Variants in SLC19A3 observed in about 807,000 individuals in gnomAD.
SLC19A3 encodes solute carrier family 19 member 3.
In SLC19A3, 31 loss-of-function variants were observed where a neutral mutation model predicts 40.2. The ratio of observed to expected loss-of-function variants is 0.77; its 90% CI spans 0.58 to 1.04. The LOEUF is 1.04. Ranked by LOEUF, SLC19A3 falls within the 50% of genes least tolerant of loss-of-function variation. The probability of loss-of-function intolerance (pLI) is 0.00; values close to 1 mark genes in which losing one functional copy is unlikely to be tolerated. For missense variants in SLC19A3, 592 were observed against 596.7 expected, an observed-to-expected ratio of 0.99 and a Z score of 0.08; for synonymous variants, 212 against 227.5, an observed-to-expected ratio of 0.93 and a Z score of 0.61.
intron 4 of SLC19A3, among the ~76,000 whole-genome samples, chr2:227,690,706 C>CAAAAAAAAAAAAAAAAAAAAAA (rs34163746): frequency 7.7e-5 from 3 of 39,146 alleles, no homozygotes; most frequent in African/African-American, 2.9e-4. Flanking sequence ...GACTCCATCT[C>CAAAAAAAAAAAAAAAAAAAAAA]AAAAAAAAAA....
intron 1 of SLC19A3, chr2:227,702,638 T>G: frequency 3.0e-6 from 1 of 333,130 alleles, no homozygotes. Context: ...AGTGAGGAAA[T>G]TGCTTGAAAT....
chr2:227,700,839 T>C (rs1313950098), intron 2 of SLC19A3: 18 of 973,690 alleles, frequency 1.8e-5, no homozygotes, highest in East Asian at 6.1e-5. Context: ...ATTTTCACAG[T>C]TGGAAGGACT....
intron 1 of SLC19A3, among the ~76,000 whole-genome samples, chr2:227,709,662 GC>G (rs1241980792): frequency 1.3e-5 from 2 of 152,086 alleles, no homozygotes; most frequent in Non-Finnish European, 2.9e-5. Context: ...GAGCTGTGGG[GC>G]TCCCTGAGGT....
intron 5 of SLC19A3, 136 bp downstream of exon 5, chr2:227,688,029 GT>G: frequency 1.0e-6 from 1 of 963,942 alleles, no homozygotes; most frequent in South Asian, 1.4e-5. Context: ...TACTTGGTGT[GT>G]TATAATATGA....
In SLC19A3 at chr2:227,703,704, T is replaced by C. The variant is rs947221197; in HGVS notation, c.-2-1384A>G. Among the ~76,000 whole-genome samples, 3 of 152,190 alleles carry C rather than the reference T, an allele frequency of 2.0e-5. No individual in the cohort carries two copies. The highest frequency in any genetic ancestry group is 4.4e-5 in the Non-Finnish European group (3 of 68,032). ...TTGTTAATGATCTTATAGAAATGGCTGTCCTGGACAGGTGATCACTGAGGC... is the reference window on the plus strand; with the variant it reads ...TTGTTAATGATCTTATAGAAATGGCCGTCCTGGACAGGTGATCACTGAGGC... On this transcript the variant is annotated intron_variant, in intron 1 of 5. Transcript: ENST00000644224. This position sits in a 1 kb window ranked among gnomAD's most constrained non-coding sequence, Gnocchi z 4.7.
chr2:227,694,261 C>T (rs1282099435), intron 4 of SLC19A3, among the ~76,000 whole-genome samples: 1 of 152,112 alleles, frequency 6.6e-6, no homozygotes. Flanking sequence ...CCTGCTTTGG[C>T]CTCCCAAAGT....
chr2:227,711,855 T>C (rs1214112225), intron 1 of SLC19A3, among the ~76,000 whole-genome samples: 2 of 151,516 alleles, frequency 1.3e-5, no homozygotes, highest in Non-Finnish European at 2.9e-5. Context: ...TTTGAGACCA[T>C]CCTGGCCAAC....
In SLC19A3 at chr2:227,702,320, G is replaced by C. The variant is rs771358872; in HGVS notation, c.-2C>G. 6.2e-7 allele frequency: 1 copy of C among 1,613,838 alleles called. No individual in the cohort carries two copies. Among genetic ancestry groups the C allele is most frequent in the South Asian group, 1.1e-5 (1 of 91,078 alleles). On this transcript the variant is annotated splice_region_variant and 5_prime_UTR_variant, in exon 2 of 6. Transcript: ENST00000644224. ...TAGTGAAGTTCTGTAACAATCCATG[G>C]CTGATCAAATGGAAACAAAGAGAAA... is the stretch of plus-strand genomic sequence containing the variant.
intron 1 of SLC19A3, among the ~76,000 whole-genome samples, chr2:227,716,239 C>T (rs1696332331): frequency 6.6e-6 from 1 of 152,198 alleles, no homozygotes; most frequent in South Asian, 2.1e-4. Context: ...TCCTTTCCCC[C>T]ATGGAAAACC....
In SLC19A3 at chr2:227,699,316, G is replaced by A. The variant is rs138363524; in HGVS notation, c.399C>T (p.Pro133=). 1.7e-5 allele frequency: 28 copies of A among 1,614,158 alleles called. No homozygotes were observed. In the African/African-American group the frequency reaches 2.5e-4, roughly 15 times the overall value. ...AGCCGCTCACTCTCTGGTAGTGCTC[G>A]GGGCTGACCACGCTGTATATGTAGG... ...YYAYIYSVVS[P]EHYQRVSGYC... Residue 133 remains proline, a synonymous_variant, in exon 3 of 6, where the codon CCC becomes CCT. Transcript: ENST00000644224.
chr2:227,706,358 G>A, intron 1 of SLC19A3: 1 of 1,231,602 alleles, frequency 8.1e-7, no homozygotes, highest in Non-Finnish European at 1.0e-6. Context: ...TTTTCTGTGT[G>A]TTCCAAATCA....
chr2:227,701,349 C>T (rs985759162), intron 2 of SLC19A3: 25 of 200,102 alleles, frequency 1.2e-4, no homozygotes, highest in Admixed American at 1.7e-4. Context: ...AGGCCGGTGG[C>T]GGTGGCTCAC....
intron 1 of SLC19A3, among the ~76,000 whole-genome samples, chr2:227,705,313 G>T (rs993066089): frequency 6.6e-6 from 1 of 151,824 alleles, no homozygotes; most frequent in African/African-American, 2.4e-5. Context: ...AGAAGTTGTA[G>T]AGGAAGACTG....
At chr2:227,707,587 A>T (rs1006973611) in intron 1 of SLC19A3, among the ~76,000 whole-genome samples, 1 of 151,788 alleles carries the variant, frequency 6.6e-6, no homozygotes, top group African/African-American at 2.4e-5. Context: ...GTTCTCAAAA[A>T]ATATACAATA....
intron 4 of SLC19A3, chr2:227,695,616 TA>T: frequency 2.5e-6 from 1 of 405,376 alleles, no homozygotes; most frequent in South Asian, 2.3e-5. Flanking sequence ...TCAAACAAAA[TA>T]AAACAAAAAG....
intron 2 of SLC19A3, 76 bp from the exon 3 acceptor site, chr2:227,699,640 C>T: frequency 8.1e-7 from 1 of 1,241,556 alleles, no homozygotes; most frequent in South Asian, 1.2e-5. Context: ...ATCTCAAATT[C>T]TGCCTCCAAT....
At chr2:227,691,285 A>G (rs1256891881) in intron 4 of SLC19A3, among the ~76,000 whole-genome samples, 1 of 152,190 alleles carries the variant, frequency 6.6e-6, no homozygotes, top group African/African-American at 2.4e-5. Context: ...TTAAGAGGGA[A>G]GTTTATAGTT....
intron 1 of SLC19A3, among the ~76,000 whole-genome samples, chr2:227,709,383 A>C (rs1372939044): frequency 6.6e-6 from 1 of 152,066 alleles, no homozygotes; most frequent in Non-Finnish European, 1.5e-5. Flanking sequence ...TACTTGGCAG[A>C]CTGAGGCACG....
chr2:227,683,974 T>C lies in SLC19A3; in HGVS notation c.*3423A>G, dbSNP rs1694937305. On this transcript the variant is annotated 3_prime_UTR_variant, in exon 6 of 6. Transcript: ENST00000644224. ...CCACCATGCCCAGCTAATTTTTGTA[T>C]TTTTTGTAGAGACAGGGTTTTGCCA... 1 of 152,142 alleles carries C rather than the reference T, an allele frequency of 6.6e-6. No individual in the cohort carries two copies. The highest frequency in any genetic ancestry group is 1.5e-5 in the Non-Finnish European group (1 of 68,088). 9.4% of individuals were successfully genotyped at this position (152,142 alleles called of 1,614,324 possible). A position where few individuals can be genotyped will look rare whatever the true frequency, so the allele number is the denominator to read the frequency against.
Sources: gnomAD v4.1 joint callset for allele counts (sites outside exome capture counted in the v4.1 genomes callset) on GRCh38, gnomAD v4.1.1 for gene constraint, Gnocchi (gnomAD v3.1) non-coding constraint, MANE v1.5 for transcripts, NCBI Gene and HGNC (gene_info 2026-07-23, HGNC 2026-07-21) for gene names.